The following PARVG variants were observed in gnomAD, a reference collection of about 807,000 sequenced individuals.
The protein encoded by PARVG is gamma-parvin.
In PARVG, 36 loss-of-function variants were observed where a neutral mutation model predicts 44.4. The observed-to-expected ratio is 0.81, with a 90% CI of 0.62 to 1.07. PARVG has a LOEUF of 1.07. PARVG is among the 50% of genes least tolerant of loss of function. PARVG has a pLI of 0.00. For synonymous variants in PARVG, 170 were observed against 174.1 expected, an observed-to-expected ratio of 0.98 and a Z score of 0.19; for missense variants, 407 against 407.4, an observed-to-expected ratio of 1.00 and a Z score of 0.01.
At chr22:44,190,410 T>G in intron 6 of PARVG, 141 bp from the exon 7 acceptor site, 2 of 638,616 alleles carry the variant, frequency 3.1e-6, no homozygotes, top group Non-Finnish European at 5.6e-6. Flanking sequence ...TGAACACGTA[T>G]CTCCAGATCT....
chr22:44,188,415 T>C (rs572032880), intron 5 of PARVG: 4 of 172,206 alleles, frequency 2.3e-5, no homozygotes, highest in African/African-American at 4.7e-5. Flanking sequence ...TGTATGGTCA[T>C]GTCTGGTCTA....
chr22:44,186,565 A>G (rs891142917), intron 4 of PARVG: 1 of 470,198 alleles, frequency 2.1e-6, no homozygotes, highest in East Asian at 7.0e-5. Flanking sequence ...CACCTTTCCC[A>G]CCTTTGACCA....
rs1031939388 is a variant in PARVG, at chr22:44,198,711, C to A, written c.802C>A (p.Pro268Thr). ...LKEFYLTPNSPAEMLHNVTLA... is the reference protein window; with the variant it reads ...LKEFYLTPNSTAEMLHNVTLA... Reference sequence around the variant, plus strand: ...GGAATTCTACCTCACTCCCAACTCTCCTGCAGAAATGGTAAGTTTTCCAAG... The same window carrying A: ...GGAATTCTACCTCACTCCCAACTCTACTGCAGAAATGGTAAGTTTTCCAAG... The change falls in exon 12 of 14, where the codon CCT (proline) becomes ACT (threonine). Residue 268 changes from proline (P) to threonine (T), a missense_variant. Coordinates refer to ENST00000444313, the MANE Select transcript of PARVG (RefSeq NM_022141.7). The A allele has an allele frequency of 6.2e-7, 1 of 1,609,630 alleles. No individual in the cohort carries two copies. The highest frequency in any genetic ancestry group is 1.3e-5 in the African/African-American group (1 of 74,980).
In PARVG at chr22:44,181,918, G is replaced by A; in HGVS notation, c.-13+1G>A. 1.0e-6 allele frequency: 1 copy of A among 985,642 alleles called. No homozygotes were observed. The highest frequency in any genetic ancestry group is 1.2e-6 in the Non-Finnish European group (1 of 830,112). 61.1% of individuals were successfully genotyped at this position (985,642 alleles called of 1,614,324 possible). ...GTTTTCCTGCGTGGAAAGCGGTTGG[G>A]TGAGTTCTGGCATCGGGGCCACCAT... On this transcript the variant is annotated splice_donor_variant, in intron 2 of 13. Coordinates refer to ENST00000444313, the MANE Select transcript of PARVG (RefSeq NM_022141.7). LOFTEE classifies it low-confidence loss of function (5UTR_SPLICE).
At position 44,190,541 on chromosome 22, in the gene PARVG, C is replaced by G. The variant is rs780211753; in HGVS notation, c.389-10C>G. 1 of 1,610,568 alleles carries G rather than the reference C, an allele frequency of 6.2e-7. No homozygotes were observed. Among genetic ancestry groups the G allele is most frequent in the Non-Finnish European group, 8.5e-7 (1 of 1,176,708 alleles). On this transcript the variant is annotated splice_polypyrimidine_tract_variant and intron_variant, in intron 6 of 13. Coordinates refer to ENST00000444313, the MANE Select transcript of PARVG (RefSeq NM_022141.7). ...TCCTGGGCTCTGACCTGTCTCCACT[C>G]TCTTCCCAGGCATCTTCAACAAGGA... is the stretch of plus-strand genomic sequence containing the variant.
intron 3 of PARVG, chr22:44,183,613 T>G (rs1302967450): frequency 3.8e-6 from 2 of 522,094 alleles, no homozygotes; most frequent in Non-Finnish European, 6.7e-6. Context: ...TCTCTCCAGA[T>G]GAGAGACGGT....
upstream of PARVG, among the ~76,000 whole-genome samples, chr22:44,180,119 C>T (rs930007394): frequency 6.6e-6 from 1 of 152,168 alleles, no homozygotes; most frequent in Non-Finnish European, 1.5e-5. Flanking sequence ...ATTGATTCCT[C>T]CAGCTGTGCC....
At chr22:44,183,725 A>G (rs963971564) in intron 3 of PARVG, 1 of 417,986 alleles carries the variant, frequency 2.4e-6, no homozygotes, top group Non-Finnish European at 4.2e-6. Flanking sequence ...TTTATTCTCA[A>G]GGGCGGGCAT....
chr22:44,205,174 G>C (rs938489149), intron 12 of PARVG, among the ~76,000 whole-genome samples: 3 of 152,214 alleles, frequency 2.0e-5, no homozygotes, highest in Admixed American at 2.0e-4. Flanking sequence ...GGTGGGGACC[G>C]CTCCAGTCTC....
rs2054800441 is a variant in PARVG at position 44,207,803 on chromosome 22, C to T, written c.*1377C>T. 1 of 152,336 alleles carries T rather than the reference C, an allele frequency of 6.6e-6. No individual in the cohort carries two copies. Among genetic ancestry groups the T allele is most frequent in the Non-Finnish European group, 1.5e-5 (1 of 68,186 alleles). The allele number at this position is 152,336 out of a possible 1,614,324, so 9.4% of individuals were successfully genotyped here. A position where few individuals can be genotyped will look rare whatever the true frequency, so the allele number is the denominator to read the frequency against. On this transcript the variant is annotated 3_prime_UTR_variant, in exon 14 of 14. Transcript: ENST00000444313. ...TCACCTAGCCTCCCATCTGCCTGCC[C>T]TTCTCAGCTCCCAATTCACAGGGCA...
chr22:44,176,464 A>C (rs1211168900), upstream of PARVG, among the ~76,000 whole-genome samples: 2 of 152,172 alleles, frequency 1.3e-5, no homozygotes, highest in African/African-American at 2.4e-5. Flanking sequence ...AACCAAGGAT[A>C]TGGAGGGCCA....
intron 6 of PARVG, 47 bp from the exon 7 acceptor site, chr22:44,190,504 G>C: frequency 6.8e-7 from 1 of 1,465,374 alleles, no homozygotes; most frequent in Non-Finnish European, 9.6e-7. Context: ...TTGGCTGCAC[G>C]TTTTGGCGGC....
At chr22:44,191,143 T>A (rs2054542561) in intron 7 of PARVG, among the ~76,000 whole-genome samples, 1 of 152,178 alleles carries the variant, frequency 6.6e-6, no homozygotes, top group East Asian at 1.9e-4. Context: ...CACCCTCAGA[T>A]GTTCTGTCTA....
chr22:44,188,447 T>C (rs2051132780), intron 5 of PARVG: 1 of 162,252 alleles, frequency 6.2e-6, no homozygotes, highest in African/African-American at 2.4e-5. Flanking sequence ...TGCACACAAC[T>C]GTGGTCTCGG....
intron 12 of PARVG, among the ~76,000 whole-genome samples, chr22:44,202,692 G>A (rs1040523384): frequency 6.6e-6 from 1 of 152,224 alleles, no homozygotes; most frequent in Admixed American, 6.5e-5. Flanking sequence ...TGAGGAGGGC[G>A]GGAACACCAG....
chr22:44,207,766 G>A lies in PARVG; in HGVS notation c.*1340G>A. 1 of 152,290 alleles carries A rather than the reference G, an allele frequency of 6.6e-6. No individual in the cohort carries two copies. The highest frequency in any genetic ancestry group is 2.4e-5 in the African/African-American group (1 of 41,402). The allele number at this position is 152,290 out of a possible 1,614,324, so 9.4% of individuals were successfully genotyped here. On this transcript the variant is annotated 3_prime_UTR_variant, in exon 14 of 14. Transcript: ENST00000444313. ...GTGTCTGGGTGTGAGAAGGCCTTGA[G>A]GGGTCTTCCCTTCACCTAGCCTCCC...
At chr22:44,197,883 T>C (rs1218251496) in intron 11 of PARVG, among the ~76,000 whole-genome samples, 1 of 152,230 alleles carries the variant, frequency 6.6e-6, no homozygotes, top group African/African-American at 2.4e-5. Flanking sequence ...AGATTTACAT[T>C]CTACCTGTTC....
At position 44,207,740 on chromosome 22, in the gene PARVG, G is replaced by A. The variant is rs1030946978; in HGVS notation, c.*1314G>A. 4 of 152,190 alleles carry A rather than the reference G, an allele frequency of 2.6e-5. No homozygotes were observed. The East Asian group carries it at 7.7e-4, about 29-fold the overall frequency. 9.4% of individuals were successfully genotyped at this position (152,190 alleles called of 1,614,324 possible). On this transcript the variant is annotated 3_prime_UTR_variant, in exon 14 of 14. Coordinates refer to ENST00000444313, the MANE Select transcript of PARVG (RefSeq NM_022141.7). ...CAGTGCCAGGTCAGCCCTGGGAGCTGGTGTCTGGGTGTGAGAAGGCCTTGA... is the reference window on the plus strand; with the variant it reads ...CAGTGCCAGGTCAGCCCTGGGAGCTAGTGTCTGGGTGTGAGAAGGCCTTGA...
chr22:44,195,031 G>T (rs538735528), intron 9 of PARVG, among the ~76,000 whole-genome samples: 66 of 152,190 alleles, frequency 4.3e-4, no homozygotes, highest in Non-Finnish European at 7.6e-4. Context: ...TGTGGGCAGG[G>T]ATGCTATGAG....
Sources: allele counts gnomAD v4.1 joint callset (sites outside exome capture counted in the v4.1 genomes callset), GRCh38; gene constraint gnomAD v4.1.1; transcripts MANE v1.5; gene names NCBI Gene and HGNC (gene_info 2026-07-23, HGNC 2026-07-21).